The following PHKB variants were observed in gnomAD, a reference collection of about 807,000 sequenced individuals.
PHKB encodes the protein phosphorylase b kinase regulatory subunit beta.
In PHKB, 122 loss-of-function variants were observed where a neutral mutation model predicts 152.1. The observed-to-expected ratio is 0.80, with a 90% CI of 0.69 to 0.93. The LOEUF (loss-of-function observed/expected upper bound fraction) is 0.93. PHKB is among the 40% of genes least tolerant of loss of function. The probability of loss-of-function intolerance (pLI) is 0.00; values close to 1 mark genes in which losing one functional copy is unlikely to be tolerated. For synonymous variants in PHKB, 436 were observed against 464.9 expected, an observed-to-expected ratio of 0.94 and a Z score of 0.80; for missense variants, 1,304 against 1,328.4, an observed-to-expected ratio of 0.98 and a Z score of 0.29.
At chr16:47,671,147 A>C (rs1053245577) in intron 26 of PHKB, among the ~76,000 whole-genome samples, 1 of 152,216 alleles carries the variant, frequency 6.6e-6, no homozygotes, top group African/African-American at 2.4e-5. Flanking sequence ...CATGCATAAA[A>C]AACAATTGAA....
intron 1 of PHKB, among the ~76,000 whole-genome samples, chr16:47,464,830 G>A (rs897635465): frequency 2.0e-5 from 3 of 152,132 alleles, no homozygotes; most frequent in Non-Finnish European, 4.4e-5. Flanking sequence ...TAGAAAACTC[G>A]GAGAAGCCTG....
At position 47,698,722 on chromosome 16, in the gene PHKB, G is replaced by A. The variant is rs375350806; in HGVS notation, c.3144+134G>A. The A allele has an allele frequency of 1.9e-4, 139 of 745,684 alleles. No homozygotes were observed. The African/African-American group carries it at 2.0e-3, about 11-fold the overall frequency. The allele number at this position is 745,684 out of a possible 1,614,324, so 46.2% of individuals were successfully genotyped here. Reference sequence around the variant, plus strand: ...AGGTGCAAAATAGGATACTTGAGGGGCAGTCTGCCTTTTTCGAGGAATTAA... The same window carrying A: ...AGGTGCAAAATAGGATACTTGAGGGACAGTCTGCCTTTTTCGAGGAATTAA... On this transcript the variant is annotated intron_variant, in intron 30 of 30. Coordinates refer to ENST00000323584, the MANE Select transcript of PHKB (RefSeq NM_000293.3).
At chr16:47,647,298 A>G (rs1053498791) in intron 16 of PHKB, among the ~76,000 whole-genome samples, 4 of 151,456 alleles carry the variant, frequency 2.6e-5, no homozygotes, top group African/African-American at 4.9e-5. Flanking sequence ...TAATTTTTGT[A>G]TTATTAGTAG....
chr16:47,535,885 A>G (rs2151664786), intron 6 of PHKB, among the ~76,000 whole-genome samples: 1 of 152,298 alleles, frequency 6.6e-6, no homozygotes, highest in East Asian at 1.9e-4. Flanking sequence ...TTCTCTACAT[A>G]CTTTTTGCAG....
chr16:47,565,298 G>A, intron 7 of PHKB: 2 of 744,088 alleles, frequency 2.7e-6, no homozygotes, highest in South Asian at 2.7e-5. Context: ...AGAGTTCCCA[G>A]TTTGGTCTTT....
At chr16:47,606,315 G>T (rs979083030) in intron 13 of PHKB, among the ~76,000 whole-genome samples, 1 of 152,006 alleles carries the variant, frequency 6.6e-6, no homozygotes, top group African/African-American at 2.4e-5. Flanking sequence ...TATAACCATT[G>T]GTTCCTTGCT....
At chr16:47,684,389 T>C (rs1281925756) in intron 26 of PHKB, among the ~76,000 whole-genome samples, 1 of 152,194 alleles carries the variant, frequency 6.6e-6, no homozygotes, top group Non-Finnish European at 1.5e-5. Context: ...CCATGTACTT[T>C]ATTTCATATT....
At chr16:47,684,774 CA>C (rs1177525611) in intron 26 of PHKB, among the ~76,000 whole-genome samples, 198 of 125,650 alleles carry the variant, frequency 1.6e-3, no homozygotes, top group Middle Eastern at 4.0e-3. Flanking sequence ...GACTCCGTCT[CA>C]AAAAAAAAAA....
At chr16:47,544,187 C>A (rs905951503) in intron 6 of PHKB, among the ~76,000 whole-genome samples, 1 of 152,076 alleles carries the variant, frequency 6.6e-6, no homozygotes, top group South Asian at 2.1e-4. Context: ...GTTAGGGTGT[C>A]GATTTTGGAT....
rs1973728478 is a variant in PHKB at position 47,676,122 on chromosome 16, A to G, written c.2630+6705A>G. ...AATTTTACCTTGAATTAGTCCCTGG[A>G]AGGTTTTTAGTTTGCTTAAAATTGG... On this transcript the variant is annotated intron_variant, in intron 26 of 30. Transcript: ENST00000323584. The G allele has an allele frequency of 2.0e-5, 3 of 152,248 alleles. No individual in the cohort carries two copies. In the South Asian group the frequency reaches 6.2e-4, roughly 32 times the overall value. 9.4% of individuals were successfully genotyped at this position (152,248 alleles called of 1,614,324 possible).
In PHKB at chr16:47,641,094, T is replaced by A; in HGVS notation, c.1514+4T>A. 2.2e-5 allele frequency: 35 copies of A among 1,613,380 alleles called. No individual in the cohort carries two copies. The highest frequency in any genetic ancestry group is 2.9e-5 in the Non-Finnish European group (34 of 1,179,474). On this transcript the variant is annotated splice_donor_region_variant and intron_variant, in intron 15 of 30. Coordinates refer to ENST00000323584, the MANE Select transcript of PHKB (RefSeq NM_000293.3). ...CACTTATAGCAGAAAGCCAAAGGTA[T>A]GAAATCCAAGTGGGTGGTGTGTTTT...
chr16:47,692,576 A>G (rs865800359), intron 27 of PHKB, among the ~76,000 whole-genome samples: 3 of 152,078 alleles, frequency 2.0e-5, no homozygotes, highest in Middle Eastern at 3.2e-3. Context: ...TGATCGAGCC[A>G]TTGCACTCCA....
In PHKB at chr16:47,685,899, A is replaced by C. The variant is rs539629110; in HGVS notation, c.2631-3142A>C. Among the ~76,000 whole-genome samples the C allele has an allele frequency of 1.4e-4, 21 of 151,418 alleles. No individual in the cohort carries two copies. In the South Asian group the frequency reaches 4.4e-3, roughly 32 times the overall value. ...TGGGACTACAGGCGCCTGCCACCAC[A>C]CCTGGCTGATTTTTTGTATTTTTAG... is the stretch of plus-strand genomic sequence containing the variant. On this transcript the variant is annotated intron_variant, in intron 26 of 30. Coordinates refer to ENST00000323584, the MANE Select transcript of PHKB (RefSeq NM_000293.3).
intron 29 of PHKB, among the ~76,000 whole-genome samples, chr16:47,697,419 A>C (rs542863594): frequency 7.2e-5 from 11 of 152,334 alleles, no homozygotes; most frequent in African/African-American, 2.6e-4. Context: ...AATGCCTTCC[A>C]TGTCTAGTAC....
intron 20 of PHKB, among the ~76,000 whole-genome samples, chr16:47,657,900 A>G (rs1346378521): frequency 2.6e-5 from 4 of 152,102 alleles, no homozygotes; most frequent in Non-Finnish European, 4.4e-5. Context: ...ACCACTTCCC[A>G]TCACCTTCAG....
Position 47,497,488 on chromosome 16 carries a change from G to T in PHKB, c.166G>T (p.Val56Phe), listed in dbSNP as rs1384551810. 1.3e-6 allele frequency: 2 copies of T among 1,585,872 alleles called. No individual in the cohort carries two copies. The highest frequency in any genetic ancestry group is 1.7e-6 in the Non-Finnish European group (2 of 1,156,512). The change falls in exon 2 of 31, where the codon GTC becomes TTC. Residue 56 changes from valine to phenylalanine, a missense_variant and splice_region_variant. Transcript: ENST00000323584. ...TAAGTTGGACCATTATTACAGAATT[G>T]GTGAGTAAAACCTGAGGAAAACGTG... ...WDKLDHYYRIVKSTLLLYQSP... is the reference protein window; with the variant it reads ...WDKLDHYYRIFKSTLLLYQSP...
At chr16:47,604,770 C>G (rs1048843283) in intron 13 of PHKB, among the ~76,000 whole-genome samples, 2 of 151,882 alleles carry the variant, frequency 1.3e-5, no homozygotes, top group African/African-American at 4.8e-5. Flanking sequence ...ATTTTATAAA[C>G]CTTCTGTGAA....
chr16:47,553,290 C>T (rs1319669671), intron 7 of PHKB, among the ~76,000 whole-genome samples: 1 of 151,966 alleles, frequency 6.6e-6, no homozygotes, highest in Non-Finnish European at 1.5e-5. Flanking sequence ...AGTTGATCTT[C>T]AATCTCTGAT....
chr16:47,562,890 A>G (rs757881999), intron 7 of PHKB, among the ~76,000 whole-genome samples: 1 of 152,208 alleles, frequency 6.6e-6, no homozygotes, highest in Non-Finnish European at 1.5e-5. Context: ...TCAGCTAAGT[A>G]TGTGAAGCAT....
Sources: allele counts gnomAD v4.1 joint callset (sites outside exome capture counted in the v4.1 genomes callset), GRCh38; gene constraint gnomAD v4.1.1; transcripts MANE v1.5; gene names NCBI Gene and HGNC (gene_info 2026-07-23, HGNC 2026-07-21).